Variants in GRID2 observed in about 807,000 individuals in gnomAD.
GRID2 encodes glutamate receptor ionotropic, delta-2.
GRID2 carries 33 observed loss-of-function variants against 114.8 expected under a neutral mutation model. The observed-to-expected ratio is 0.29, with a 90% confidence interval of 0.22 to 0.38. The LOEUF (loss-of-function observed/expected upper bound fraction) is 0.38, where lower values mean the gene tolerates loss of function less well. Ranked by LOEUF, GRID2 falls within the 10% of genes least tolerant of loss-of-function variation. The probability of loss-of-function intolerance (pLI) is 1.00; values close to 1 mark genes in which losing one functional copy is unlikely to be tolerated. For missense variants in GRID2, 1,184 were observed against 1,257.7 expected (o/e 0.94, Z 0.89); for synonymous variants, 505 against 449.9 (o/e 1.12, Z -1.55).
At chr4:92,369,651 A>T (rs1579251621) in intron 1 of GRID2, among the ~76,000 whole-genome samples, 1 of 152,204 alleles carries the variant, frequency 6.6e-6, no homozygotes, top group Non-Finnish European at 1.5e-5. Context: ...TATTCAAAGC[A>T]TATGGTCTAG....
At chr4:93,043,379 T>C (rs1484331162) in intron 2 of GRID2, among the ~76,000 whole-genome samples, 1 of 152,134 alleles carries the variant, frequency 6.6e-6, no homozygotes, top group African/African-American at 2.4e-5. Context: ...AAGGAAGAGA[T>C]ACAGACACAT....
chr4:92,962,539 C>A (rs900820278), intron 2 of GRID2, among the ~76,000 whole-genome samples: 1 of 151,906 alleles, frequency 6.6e-6, no homozygotes, highest in Non-Finnish European at 1.5e-5. Flanking sequence ...CATGTAGACT[C>A]GAATTAACCC....
intron 2 of GRID2, among the ~76,000 whole-genome samples, chr4:92,940,004 C>A (rs889694829): frequency 6.8e-6 from 1 of 147,150 alleles, no homozygotes; most frequent in African/African-American, 2.4e-5. Context: ...TAGCGTGATG[C>A]CTCTAGCTTT....
At chr4:93,119,990 T>C (rs1733629854) in intron 4 of GRID2, among the ~76,000 whole-genome samples, 2 of 152,084 alleles carry the variant, frequency 1.3e-5, no homozygotes, top group Non-Finnish European at 2.9e-5. Flanking sequence ...TGTTCTCCCA[T>C]TCTGTAGCTC....
In GRID2 at chr4:93,078,580, G is replaced by A. The variant is rs533269842; in HGVS notation, c.245-6415G>A. 2.7e-5 allele frequency among the ~76,000 whole-genome samples: 4 copies of A among 149,880 alleles called. No homozygotes were observed. The East Asian group carries it at 7.8e-4, about 29-fold the overall frequency. ...AGATAAAAAGATAGGAGATTGATCT[G>A]AATTTCCTTAAATCGGGAGCTATGA... On this transcript the variant is annotated intron_variant, in intron 2 of 15. Coordinates refer to ENST00000282020, the MANE Select transcript of GRID2 (RefSeq NM_001510.4).
chr4:92,975,156 C>CAAAAAAAAAAAAAAGAAAA (rs1753786459), intron 2 of GRID2, among the ~76,000 whole-genome samples: 1 of 46,692 alleles, frequency 2.1e-5, no homozygotes, highest in Non-Finnish European at 3.7e-5. Context: ...GATTCCGCCT[C>CAAAAAAAAAAAAAAGAAAA]AAAAAAAAAA....
intron 1 of GRID2, among the ~76,000 whole-genome samples, chr4:92,327,164 G>T (rs1345352522): frequency 1.3e-5 from 2 of 151,842 alleles, no homozygotes; most frequent in African/African-American, 4.8e-5. Flanking sequence ...ATAATTTTAA[G>T]GTAGCTTTTG....
At chr4:93,320,060 G>A (rs1438388479) in intron 8 of GRID2, among the ~76,000 whole-genome samples, 1 of 152,066 alleles carries the variant, frequency 6.6e-6, no homozygotes, top group Non-Finnish European at 1.5e-5. Flanking sequence ...ATAAGGAGGT[G>A]CCTTAAATAA....
rs115949079 is a variant in GRID2 at position 93,475,607 on chromosome 4, A to T, written c.1859-15032A>T. Among the ~76,000 whole-genome samples, 1,212 of 152,250 alleles carry T rather than the reference A, an allele frequency of 8.0e-3. 18 individuals carry two copies. The highest frequency in any genetic ancestry group is 0.028 in the African/African-American group (1,163 of 41,556). ...GGCATTCTCTGACCTTTTAGAACTA[A>T]TGACATACTTATGCATAAGGCCTAG... On this transcript the variant is annotated intron_variant, in intron 11 of 15. Transcript: ENST00000282020.
At chr4:93,125,433 T>G (rs1229750492) in intron 4 of GRID2, among the ~76,000 whole-genome samples, 1 of 152,046 alleles carries the variant, frequency 6.6e-6, no homozygotes, top group East Asian at 1.9e-4. Context: ...CTATTCAGTA[T>G]TTTATTCTGT....
chr4:92,598,223 A>T (rs1174867426), intron 2 of GRID2, among the ~76,000 whole-genome samples: 1 of 152,100 alleles, frequency 6.6e-6, no homozygotes, highest in Non-Finnish European at 1.5e-5. Context: ...AAGAAAATGA[A>T]TCCGCCAGTA....
intron 13 of GRID2, among the ~76,000 whole-genome samples, chr4:93,589,039 T>A (rs13143071): frequency 1.3e-5 from 2 of 151,604 alleles, no homozygotes; most frequent in Non-Finnish European, 2.9e-5. Flanking sequence ...TGCTTTTTTT[T>A]TTATTATTTA....
intron 13 of GRID2, among the ~76,000 whole-genome samples, chr4:93,601,832 G>A (rs1327038499): frequency 6.6e-6 from 1 of 151,918 alleles, no homozygotes; most frequent in African/African-American, 2.4e-5. Flanking sequence ...TCCTTATTTG[G>A]AGTAACCATG....
intron 2 of GRID2, among the ~76,000 whole-genome samples, chr4:92,855,974 A>G (rs1744152130): frequency 6.6e-6 from 1 of 152,048 alleles, no homozygotes; most frequent in Non-Finnish European, 1.5e-5. Flanking sequence ...TTCCACTTGA[A>G]ATATATTTAC....
chr4:93,598,054 G>A (rs1408857342), intron 13 of GRID2, among the ~76,000 whole-genome samples: 1 of 152,126 alleles, frequency 6.6e-6, no homozygotes, highest in South Asian at 2.1e-4. Flanking sequence ...AACGAACAAT[G>A]GACTATCATA....
At chr4:93,729,854 A>G (rs975764843) in intron 14 of GRID2, among the ~76,000 whole-genome samples, 15 of 152,146 alleles carry the variant, frequency 9.9e-5, no homozygotes, top group African/African-American at 3.6e-4. Flanking sequence ...GATTTATGGC[A>G]CCCAATGCAT....
chr4:93,317,988 TATATA>T (rs1159739598), intron 8 of GRID2, among the ~76,000 whole-genome samples: 2 of 27,346 alleles, frequency 7.3e-5, no homozygotes, highest in Admixed American at 3.2e-4. Flanking sequence ...AAAAGTGAAA[TATATA>T]TATATATATA....
chr4:92,990,756 G>C (rs1282415944), intron 2 of GRID2, among the ~76,000 whole-genome samples: 1 of 151,952 alleles, frequency 6.6e-6, no homozygotes, highest in Admixed American at 6.6e-5. Context: ...AGACCTAAAT[G>C]AAAGAACAAA....
Position 93,304,348 on chromosome 4 carries a change from G to T in GRID2, c.1245+65858G>T, listed in dbSNP as rs62307805. On this transcript the variant is annotated intron_variant, in intron 8 of 15. Coordinates refer to ENST00000282020, the MANE Select transcript of GRID2 (RefSeq NM_001510.4). ...CTATATCAAGGAAATTGTAGAAAAA[G>T]AATGCAGTGGAGAGAGAGTTAAAAC... is the stretch of plus-strand genomic sequence containing the variant. Among the ~76,000 whole-genome samples, 123 of 150,984 alleles carry T rather than the reference G, an allele frequency of 8.1e-4. 1 individual carries two copies. Among genetic ancestry groups the T allele is most frequent in the Non-Finnish European group, 1.1e-3 (77 of 67,728 alleles).
Sources: allele counts gnomAD v4.1 joint callset (sites outside exome capture counted in the v4.1 genomes callset), GRCh38; gene constraint gnomAD v4.1.1; transcripts MANE v1.5; gene names NCBI Gene and HGNC (gene_info 2026-07-23, HGNC 2026-07-21).